The following LRRC37A2 variants were observed in gnomAD, a reference collection of about 807,000 sequenced individuals.
LRRC37A2 encodes the protein leucine rich repeat containing 37 member A2, also known as leucine-rich repeat-containing protein 37A2.
LRRC37A2 carries 9 observed loss-of-function variants against 68.8 expected under a neutral mutation model. The observed-to-expected ratio is 0.13, with a 90% CI of 0.08 to 0.23. The LOEUF is 0.23. Among genes scored for constraint, LRRC37A2 ranks in the 10% least tolerant of loss-of-function variants. LRRC37A2 has a pLI of 1.00. For synonymous variants in LRRC37A2, 63 were observed against 367.6 expected (o/e 0.17, Z 9.48); for missense variants, 168 against 950.4 (o/e 0.18, Z 10.82).
the LRRC37A2 span, chr17:46,938,801 G>T: frequency 6.2e-7 from 1 of 1,612,594 alleles, no homozygotes; most frequent in East Asian, 2.2e-5. Flanking sequence ...CCCACAGCCT[G>T]CAAGTGTGTG....
the LRRC37A2 span, among the ~76,000 whole-genome samples, chr17:46,873,090 A>T: frequency 3.2e-3 from 30 of 9,288 alleles, 1 homozygote; most frequent in South Asian, 0.021. Context: ...GCCTCTTCAC[A>T]CACACACACA....
At chr17:46,932,421 A>C in the LRRC37A2 span, 1 of 615,576 alleles carries the variant, frequency 1.6e-6, no homozygotes, top group Non-Finnish European at 2.9e-6. Context: ...AGTTAAATTG[A>C]AGGGGAATAG....
At chr17:47,031,615 A>G in the LRRC37A2 span, among the ~76,000 whole-genome samples, 1 of 146,022 alleles carries the variant, frequency 6.8e-6, no homozygotes, top group Non-Finnish European at 1.5e-5. Flanking sequence ...TACTTTATTC[A>G]GATAGAGTAC....
the LRRC37A2 span, chr17:46,818,454 G>A: frequency 1.3e-6 from 2 of 1,521,032 alleles, no homozygotes; most frequent in African/African-American, 2.8e-5. Context: ...CCCAGCCGGC[G>A]CCCCCACCTT....
chr17:46,918,333 C>T, the LRRC37A2 span, among the ~76,000 whole-genome samples: 1 of 152,190 alleles, frequency 6.6e-6, no homozygotes, highest in African/African-American at 2.4e-5. Context: ...CCACCTTGGC[C>T]TCACTAAGTG....
chr17:46,943,675 A>G, the LRRC37A2 span, among the ~76,000 whole-genome samples: 2 of 152,228 alleles, frequency 1.3e-5, no homozygotes, highest in African/African-American at 4.8e-5. Context: ...TCCCCCATGC[A>G]GGGCCAGCAA....
the LRRC37A2 span, among the ~76,000 whole-genome samples, chr17:46,987,312 A>G: frequency 0.7 from 106,417 of 151,922 alleles, 37,885 homozygotes; most frequent in Middle Eastern, 0.78. Context: ...GTGAGGAAGA[A>G]CATCAGAAGA....
the LRRC37A2 span, chr17:46,938,918 C>G: frequency 6.6e-7 from 1 of 1,517,574 alleles, no homozygotes; most frequent in Non-Finnish European, 8.8e-7. Context: ...CCAACCTGCT[C>G]TGTTTTCTGT....
the LRRC37A2 span, chr17:46,940,723 T>C: frequency 6.3e-7 from 1 of 1,597,192 alleles, no homozygotes; most frequent in South Asian, 1.1e-5. Flanking sequence ...TTGACAGTGG[T>C]TGGCTTTGAT....
the LRRC37A2 span, chr17:46,932,140 G>A: frequency 6.2e-7 from 1 of 1,614,142 alleles, no homozygotes; most frequent in Non-Finnish European, 8.5e-7. Context: ...TCGGCGCCAT[G>A]CAAGGGAGCA....
At chr17:46,694,279 C>T in the LRRC37A2 span, among the ~76,000 whole-genome samples, 4 of 138,162 alleles carry the variant, frequency 2.9e-5, 1 homozygote, top group Admixed American at 2.2e-4. Flanking sequence ...TCCAGCTACT[C>T]GGAAGGCTGA....
chr17:46,721,368 T>A, the LRRC37A2 span, among the ~76,000 whole-genome samples: 8 of 151,492 alleles, frequency 5.3e-5, no homozygotes, highest in East Asian at 1.4e-3. Flanking sequence ...ACAGGCTGAC[T>A]GATGCCACTC....
chr17:46,924,651 G>A, the LRRC37A2 span, among the ~76,000 whole-genome samples: 1 of 152,138 alleles, frequency 6.6e-6, no homozygotes, highest in African/African-American at 2.4e-5. Flanking sequence ...TGGCGATGAG[G>A]TGTTTCATTT....
At chr17:46,794,675 C>T in the LRRC37A2 span, among the ~76,000 whole-genome samples, 1 of 152,224 alleles carries the variant, frequency 6.6e-6, no homozygotes, top group South Asian at 2.1e-4. Flanking sequence ...GGAATTCCCT[C>T]CTTTCCCAGG....
At chr17:47,000,064 T>A in the LRRC37A2 span, among the ~76,000 whole-genome samples, 596 of 6,870 alleles carry the variant, frequency 0.087, 27 homozygotes, top group African/African-American at 0.097. Context: ...AAAATAAAAT[T>A]AAAATAAAAT....
chr17:46,530,382 T>C (rs1475858146), intron 6 of LRRC37A2, among the ~76,000 whole-genome samples: 1 of 144,758 alleles, frequency 6.9e-6, no homozygotes, highest in African/African-American at 2.6e-5. Context: ...TTCTTTCTCT[T>C]TGTAACATCA....
the LRRC37A2 span, among the ~76,000 whole-genome samples, chr17:46,657,325 G>T: frequency 6.7e-6 from 1 of 149,968 alleles, no homozygotes; most frequent in African/African-American, 2.4e-5. Flanking sequence ...CAATCACTAA[G>T]CAGGTACTCT....
chr17:46,409,568 C>T, the LRRC37A2 span, among the ~76,000 whole-genome samples: 2 of 145,578 alleles, frequency 1.4e-5, no homozygotes, highest in Non-Finnish European at 3.1e-5. Flanking sequence ...GGGTGTGAAT[C>T]ATCATGCCCA....
the LRRC37A2 span, among the ~76,000 whole-genome samples, chr17:46,744,839 A>G: frequency 6.6e-6 from 1 of 152,276 alleles, no homozygotes; most frequent in South Asian, 2.1e-4. Context: ...TTTCATGGAA[A>G]TGTTTTCACC....
Sources: allele counts gnomAD v4.1 joint callset (sites outside exome capture counted in the v4.1 genomes callset), GRCh38; gene constraint gnomAD v4.1.1; transcripts MANE v1.5; gene names NCBI Gene and HGNC (gene_info 2026-07-23, HGNC 2026-07-21).